Variants in C5orf24 observed in about 807,000 individuals in gnomAD.
C5orf24 encodes chromosome 5 open reading frame 24, also known as UPF0461 protein C5orf24.
C5orf24 carries 4 observed loss-of-function variants against 9.8 expected under a neutral mutation model. The ratio of observed to expected loss-of-function variants is 0.41; its 90% CI spans 0.20 to 0.93. The LOEUF (loss-of-function observed/expected upper bound fraction) is 0.93, where lower values mean the gene tolerates loss of function less well. Among genes scored for constraint, C5orf24 ranks in the 40% least tolerant of loss-of-function variants. The pLI is 0.33. For synonymous variants in C5orf24, 73 were observed against 81.3 expected, an observed-to-expected ratio of 0.90 and a Z score of 0.55; for missense variants, 170 against 236.9, an observed-to-expected ratio of 0.72 and a Z score of 1.85.
At chr5:134,850,036 T>C (rs1273813796) in intron 1 of C5orf24, among the ~76,000 whole-genome samples, 2 of 152,202 alleles carry the variant, frequency 1.3e-5, no homozygotes, top group Admixed American at 6.5e-5. Context: ...GTGTTTTGCA[T>C]GGAGTTGGCC....
intron 1 of C5orf24, among the ~76,000 whole-genome samples, chr5:134,853,925 C>A (rs563391835): frequency 6.6e-6 from 1 of 152,010 alleles, no homozygotes; most frequent in African/African-American, 2.4e-5. Flanking sequence ...TACAAAAGTA[C>A]AAAAATTAGC....
rs181088709 is a variant in C5orf24 at position 134,853,225 on chromosome 5, G to T, written c.-3-1673G>T. ...AAAAATAAAAAATTAGCCAGGCGTG[G>T]TGGCACATGCCTGTAATCCCAGCTA... is the stretch of plus-strand genomic sequence containing the variant. On this transcript the variant is annotated intron_variant, in intron 1 of 1. Coordinates refer to ENST00000394976, the MANE Select transcript of C5orf24 (RefSeq NM_001135586.1). Among the ~76,000 whole-genome samples, 14 of 152,104 alleles carry T rather than the reference G, an allele frequency of 9.2e-5. No individual in the cohort carries two copies. In the East Asian group the frequency reaches 2.7e-3, roughly 29 times the overall value.
chr5:134,851,298 A>G (rs528616529), intron 1 of C5orf24, among the ~76,000 whole-genome samples: 1 of 152,314 alleles, frequency 6.6e-6, no homozygotes, highest in East Asian at 1.9e-4. Context: ...ACTTTGCAGT[A>G]AGAAAGAATT....
the C5orf24 span, among the ~76,000 whole-genome samples, chr5:134,834,957 T>C: frequency 6.6e-6 from 1 of 151,374 alleles, no homozygotes; most frequent in Non-Finnish European, 1.5e-5. Context: ...GGCAGGAGAA[T>C]CACTTGAACC....
chr5:134,840,820 G>A (rs1215061351), upstream of C5orf24, among the ~76,000 whole-genome samples: 1 of 152,098 alleles, frequency 6.6e-6, no homozygotes, highest in Non-Finnish European at 1.5e-5. Flanking sequence ...ATAGGCATAA[G>A]CCATTGCACC....
rs1483912521 is a variant in C5orf24 at position 134,858,721 on chromosome 5, C to A, written c.*3254C>A. On this transcript the variant is annotated 3_prime_UTR_variant, in exon 2 of 2. Transcript: ENST00000394976. ...AATTTTCATTTTTTGACAGATATAACCTTGCATAAGTAGTATTTAGGGTGA... is the reference window on the plus strand; with the variant it reads ...AATTTTCATTTTTTGACAGATATAAACTTGCATAAGTAGTATTTAGGGTGA... 2 of 166,738 alleles carry A rather than the reference C, an allele frequency of 1.2e-5. No individual in the cohort carries two copies. The highest frequency in any genetic ancestry group is 4.8e-5 in the African/African-American group (2 of 41,378). The allele number at this position is 166,738 out of a possible 1,614,324, so 10.3% of individuals were successfully genotyped here. A position where few individuals can be genotyped will look rare whatever the true frequency, so the allele number is the denominator to read the frequency against.
At chr5:134,849,306 G>A (rs1321424205) in intron 1 of C5orf24, among the ~76,000 whole-genome samples, 2 of 152,096 alleles carry the variant, frequency 1.3e-5, no homozygotes, top group African/African-American at 4.8e-5. Flanking sequence ...GTGGGAGGAG[G>A]AAGGCATTAT....
intron 1 of C5orf24, among the ~76,000 whole-genome samples, chr5:134,848,266 G>A (rs1470034280): frequency 2.0e-5 from 3 of 151,948 alleles, no homozygotes; most frequent in African/African-American, 7.3e-5. Context: ...AGCCAAGATC[G>A]GGCCACTGTT....
the C5orf24 span, among the ~76,000 whole-genome samples, chr5:134,833,973 A>G: frequency 8.4e-6 from 1 of 118,968 alleles, no homozygotes; most frequent in Admixed American, 1.0e-4. Flanking sequence ...CTTTGCATTA[A>G]CCATGTTCTT....
rs969894610 is a variant in C5orf24 at position 134,858,230 on chromosome 5, A to T, written c.*2763A>T. On this transcript the variant is annotated 3_prime_UTR_variant, in exon 2 of 2. Transcript: ENST00000394976. Reference sequence around the variant, plus strand: ...GTTACCTGGAGTATTATATCTATGCACTGGTGAGCATCTCCTGATTCCACT... The same window carrying T: ...GTTACCTGGAGTATTATATCTATGCTCTGGTGAGCATCTCCTGATTCCACT... The T allele has an allele frequency of 6.0e-6, 1 of 167,102 alleles. No individual in the cohort carries two copies. Among genetic ancestry groups the T allele is most frequent in the African/African-American group, 2.4e-5 (1 of 41,462 alleles). The allele number at this position is 167,102 out of a possible 1,614,324, so 10.4% of individuals were successfully genotyped here.
chr5:134,848,410 A>G (rs554698058), intron 1 of C5orf24, among the ~76,000 whole-genome samples: 2 of 151,946 alleles, frequency 1.3e-5, no homozygotes, highest in East Asian at 3.9e-4. Flanking sequence ...TAATCCCGGC[A>G]CTTTGGGAGG....
chr5:134,849,647 CTTTTT>C (rs35375521), intron 1 of C5orf24, among the ~76,000 whole-genome samples: 1,457 of 76,958 alleles, frequency 0.019, 15 homozygotes, highest in Middle Eastern at 0.047. Flanking sequence ...AAGTCAGTGT[CTTTTT>C]TTTTTTTTTT....
rs1264303718 is a variant in C5orf24, at chr5:134,856,983, C to G, written c.*1516C>G. The G allele has an allele frequency of 3.5e-5, 35 of 1,005,280 alleles. No individual in the cohort carries two copies. Among genetic ancestry groups the G allele is most frequent in the Non-Finnish European group, 4.1e-5 (34 of 833,680 alleles). 62.3% of individuals were successfully genotyped at this position (1,005,280 alleles called of 1,614,324 possible). A position where few individuals can be genotyped will look rare whatever the true frequency, so the allele number is the denominator to read the frequency against. The stretch of plus-strand genomic sequence containing the variant: ...TCTCATCCAAAAGATTTTTTTTCCC[C>G]CAATGATGTTTGCTTTAGAAGCAAG... On this transcript the variant is annotated 3_prime_UTR_variant, in exon 2 of 2. Transcript: ENST00000394976.
At position 134,855,349 on chromosome 5, in the gene C5orf24, G is replaced by T. The variant is rs765380923; in HGVS notation, c.449G>T (p.Arg150Leu). ...RPPGSIKALS[R>L]LADLGYGCGT... is the part of the protein sequence containing the mutation. ...CCAGGTAGCATTAAAGCTCTATCCC[G>T]TCTTGCCGATCTTGGTTATGGCTGT... Residue 150 changes from arginine (R) to leucine (L), a missense_variant, in exon 2 of 2, where the codon CGT (arginine) becomes CTT (leucine). This residue lies in a region of C5orf24 where 56 missense variants were observed against 60.3 expected (regional missense o/e 0.93). Transcript: ENST00000394976. 6.2e-7 allele frequency: 1 copy of T among 1,614,114 alleles called. No homozygotes were observed. The highest frequency in any genetic ancestry group is 1.7e-5 in the Admixed American group (1 of 60,002).
upstream of C5orf24, among the ~76,000 whole-genome samples, chr5:134,844,987 C>T (rs1755954333): frequency 6.6e-6 from 1 of 152,034 alleles, no homozygotes; most frequent in Non-Finnish European, 1.5e-5. Context: ...CTGCCCGCCT[C>T]GGCCTCCCAA....
intron 1 of C5orf24, among the ~76,000 whole-genome samples, chr5:134,847,951 C>T (rs1183114821): frequency 6.6e-6 from 1 of 152,202 alleles, no homozygotes; most frequent in African/African-American, 2.4e-5. Flanking sequence ...GATCTGCCCA[C>T]CTGGGCTTCC....
At chr5:134,841,466 A>T (rs1755892799), upstream of C5orf24, among the ~76,000 whole-genome samples, 1 of 152,044 alleles carries the variant, frequency 6.6e-6, no homozygotes, top group African/African-American at 2.4e-5. Context: ...TCGTGCCTGT[A>T]GTCCTAGCTA....
At chr5:134,847,994 C>T (rs1375919701) in intron 1 of C5orf24, among the ~76,000 whole-genome samples, 1 of 152,210 alleles carries the variant, frequency 6.6e-6, no homozygotes, top group Non-Finnish European at 1.5e-5. Context: ...TGAGCCACCG[C>T]GCCGGACCAT....
chr5:134,848,534 G>A (rs1053630058), intron 1 of C5orf24, among the ~76,000 whole-genome samples: 8 of 151,182 alleles, frequency 5.3e-5, no homozygotes, highest in Admixed American at 4.0e-4. Context: ...TAGCATACGT[G>A]CCTGTAATCC....
Sources: allele counts gnomAD v4.1 joint callset (sites outside exome capture counted in the v4.1 genomes callset), GRCh38; gene constraint gnomAD v4.1.1; regional missense constraint gnomAD v4.1.1; transcripts MANE v1.5; gene names NCBI Gene and HGNC (gene_info 2026-07-23, HGNC 2026-07-21).